Variants in RBM26 observed in about 807,000 individuals in gnomAD.
RBM26 encodes RNA-binding protein 26.
RBM26 carries 30 observed loss-of-function variants against 123.6 expected under a neutral mutation model. That is an observed-to-expected ratio of 0.24 (90% CI 0.18 to 0.33). The LOEUF (loss-of-function observed/expected upper bound fraction) is 0.33. Among genes scored for constraint, RBM26 ranks in the 10% least tolerant of loss-of-function variants. The pLI is 1.00. For missense variants in RBM26, 947 were observed against 1,203.6 expected, an observed-to-expected ratio of 0.79 and a Z score of 3.15; for synonymous variants, 400 against 404.4, an observed-to-expected ratio of 0.99 and a Z score of 0.13.
At chr13:79,385,575 G>A (rs2077410343) in intron 1 of RBM26, among the ~76,000 whole-genome samples, 3 of 152,080 alleles carry the variant, frequency 2.0e-5, no homozygotes, top group South Asian at 2.1e-4. Context: ...TTGGTATCAG[G>A]AGCCCTCTAT....
At position 79,320,292 on chromosome 13, in the gene RBM26, AC is replaced by A; in HGVS notation, c.*328del. 1 of 992,818 alleles carries A rather than the reference AC, an allele frequency of 1.0e-6. No individual in the cohort carries two copies. Among genetic ancestry groups the A allele is most frequent in the South Asian group, 4.7e-5 (1 of 21,474 alleles). The allele number at this position is 992,818 out of a possible 1,614,324, so 61.5% of individuals were successfully genotyped here. A position where few individuals can be genotyped will look rare whatever the true frequency, so the allele number is the denominator to read the frequency against. ...ATAAAACAAAGTCCTCTAAGTTATAACAAGTATTGGTCATAAGTTTTCAGAC... is the reference window on the plus strand; with the variant it reads ...ATAAAACAAAGTCCTCTAAGTTATAAAAGTATTGGTCATAAGTTTTCAGAC... On this transcript the variant is annotated 3_prime_UTR_variant, in exon 22 of 22. Coordinates refer to ENST00000438737, the MANE Select transcript of RBM26 (RefSeq NM_001366735.2).
rs1313255207 is a variant in RBM26, at chr13:79,319,519, A to G, written c.*1102T>C. 4 of 984,014 alleles carry G rather than the reference A, an allele frequency of 4.1e-6. No individual in the cohort carries two copies. Among genetic ancestry groups the G allele is most frequent in the Non-Finnish European group, 4.8e-6 (4 of 828,948 alleles). The allele number at this position is 984,014 out of a possible 1,614,324, so 61.0% of individuals were successfully genotyped here. ...ATAGGAAGTACACACTTAAAATATC[A>G]GACTGGAACACTTACCAAACAGTGT... On this transcript the variant is annotated 3_prime_UTR_variant, in exon 22 of 22. Coordinates refer to ENST00000438737, the MANE Select transcript of RBM26 (RefSeq NM_001366735.2).
intron 1 of RBM26, among the ~76,000 whole-genome samples, chr13:79,398,784 G>A (rs1267322193): frequency 6.6e-6 from 1 of 152,148 alleles, no homozygotes; most frequent in African/African-American, 2.4e-5. Flanking sequence ...TAGACCCAAA[G>A]ACTACTTAAT....
Position 79,342,666 on chromosome 13 carries a change from G to C in RBM26, c.2425C>G (p.Gln809Glu), listed in dbSNP as rs767337631. The C allele has an allele frequency of 4.4e-6, 7 of 1,597,656 alleles. No individual in the cohort carries two copies. Among genetic ancestry groups the C allele is most frequent in the Admixed American group, 3.5e-5 (2 of 57,694 alleles). Residue 809 changes from glutamine (Q) to glutamate (E), a missense_variant and splice_region_variant, in exon 17 of 22, where the codon CAG becomes GAG. Transcript: ENST00000438737. ...TGAACAACAATGAAATTAAATACCT[G>C]AGTCTTGGTTTTTATACTTTTTGGA... ...CLPKSIKTKTQMQKELLDTEL... is the reference protein window; with the variant it reads ...CLPKSIKTKTEMQKELLDTEL...
At chr13:79,334,150 T>C (rs1419179382) in intron 20 of RBM26, among the ~76,000 whole-genome samples, 194 bp downstream of exon 20, 2 of 152,200 alleles carry the variant, frequency 1.3e-5, no homozygotes, top group African/African-American at 2.4e-5. Context: ...GTATTTTAAT[T>C]GTATTATGTT....
At chr13:79,399,597 A>G (rs1415280281) in intron 1 of RBM26, among the ~76,000 whole-genome samples, 5 of 152,296 alleles carry the variant, frequency 3.3e-5, no homozygotes, top group African/African-American at 1.2e-4. Flanking sequence ...TATGCAATTT[A>G]TTATCTGGGA....
rs768902139 is a variant in RBM26 at position 79,366,633 on chromosome 13, C to G, written c.1135G>C (p.Gly379Arg). 1.3e-6 allele frequency: 2 copies of G among 1,536,736 alleles called. No individual in the cohort carries two copies. The highest frequency in any genetic ancestry group is 1.8e-6 in the Non-Finnish European group (2 of 1,141,370). ...CAGGGAAACAAACAGATTTACTTACCTGTAACAGGTGGGAGACTGGGTGGC... is the reference window on the plus strand; with the variant it reads ...CAGGGAAACAAACAGATTTACTTACGTGTAACAGGTGGGAGACTGGGTGGC... ...PLPPSLPPVT[G>R]PPPPLPPLQP... is the part of the protein sequence containing the mutation. Residue 379 changes from glycine to arginine, a missense_variant and splice_region_variant, in exon 7 of 22, where the codon GGA becomes CGA. Gly to Arg is a moderately radical substitution (Grantham distance 125). This residue lies in a region of RBM26 where 493 missense variants were observed against 563.1 expected (regional missense o/e 0.88). Coordinates refer to ENST00000438737, the MANE Select transcript of RBM26 (RefSeq NM_001366735.2).
intron 17 of RBM26, among the ~76,000 whole-genome samples, chr13:79,341,782 A>G (rs1414814778): frequency 6.6e-6 from 1 of 151,814 alleles, no homozygotes; most frequent in Non-Finnish European, 1.5e-5. Flanking sequence ...ATAAAATACA[A>G]TCTGCAAGAA....
At chr13:79,348,383 A>T (rs2072671551) in intron 14 of RBM26, among the ~76,000 whole-genome samples, 1 of 152,116 alleles carries the variant, frequency 6.6e-6, no homozygotes, top group Admixed American at 6.5e-5. Flanking sequence ...TTTCCTATGT[A>T]AAATAATACC....
chr13:79,379,056 G>A (rs1189217835), intron 1 of RBM26, 149 bp from the exon 2 acceptor site: 1 of 595,772 alleles, frequency 1.7e-6, no homozygotes, highest in East Asian at 2.9e-5. Flanking sequence ...AGAAATTTAA[G>A]TTCTCTTTAT....
chr13:79,359,710 A>C, intron 9 of RBM26, 24 bp from the exon 10 acceptor site: 1 of 1,317,754 alleles, frequency 7.6e-7, no homozygotes, highest in Non-Finnish European at 1.0e-6. Flanking sequence ...AAAGAAAATG[A>C]AAAAAATAAG....
intron 6 of RBM26, among the ~76,000 whole-genome samples, chr13:79,367,645 T>A (rs1433736630): frequency 6.6e-6 from 1 of 151,878 alleles, no homozygotes; most frequent in Admixed American, 6.6e-5. Context: ...TGCTCCCTTT[T>A]AGTTGCTCTC....
At chr13:79,380,729 C>T (rs2077009532) in intron 1 of RBM26, among the ~76,000 whole-genome samples, 1 of 152,058 alleles carries the variant, frequency 6.6e-6, no homozygotes, top group Admixed American at 6.6e-5. Flanking sequence ...ACTTACTCAT[C>T]CAATCCAGCG....
At position 79,368,893 on chromosome 13, in the gene RBM26, G is replaced by C; in HGVS notation, c.732C>G (p.Gly244=). ...PVSSVPSISS[G]HYPVPTLSST... is the part of the protein sequence containing the mutation. ...TGCTCAAAGTAGGTACAGGGTAGTGGCCAGATGAAATACTAGGTACCGAAG... is the reference window on the plus strand; with the variant it reads ...TGCTCAAAGTAGGTACAGGGTAGTGCCCAGATGAAATACTAGGTACCGAAG... The change falls in exon 6 of 22, where the codon GGC becomes GGG. Residue 244 remains glycine, a synonymous_variant. Transcript: ENST00000438737. 22 of 1,613,020 alleles carry C rather than the reference G, an allele frequency of 1.4e-5. No individual in the cohort carries two copies. Among genetic ancestry groups the C allele is most frequent in the Non-Finnish European group, 1.9e-5 (22 of 1,179,076 alleles).
intron 5 of RBM26, among the ~76,000 whole-genome samples, chr13:79,370,328 T>C (rs1242064159): frequency 6.6e-6 from 1 of 152,020 alleles, no homozygotes; most frequent in Non-Finnish European, 1.5e-5. Flanking sequence ...AAACAAAGAT[T>C]AAGAAAAAAA....
intron 18 of RBM26, 151 bp downstream of exon 18, chr13:79,340,972 C>G: frequency 2.1e-6 from 1 of 471,422 alleles, no homozygotes; most frequent in East Asian, 3.5e-5. Flanking sequence ...TTGACCTCTT[C>G]CCTCTTTCCT....
Position 79,366,071 on chromosome 13 carries a change from G to T in RBM26, c.1260C>A (p.Pro420=). 6.2e-7 allele frequency: 1 copy of T among 1,613,958 alleles called. No homozygotes were observed. Among genetic ancestry groups the T allele is most frequent in the Non-Finnish European group, 8.5e-7 (1 of 1,179,906 alleles). The change falls in exon 8 of 22, where the codon CCC becomes CCA. Residue 420 remains proline, a synonymous_variant. Coordinates refer to ENST00000438737, the MANE Select transcript of RBM26 (RefSeq NM_001366735.2). Reference sequence around the variant, plus strand: ...AAACTGCACCTGCAGTAAAAAGAGAGGGTGGAGCAGGAGGAGGCTGGTGAT... The same window carrying T: ...AAACTGCACCTGCAGTAAAAAGAGATGGTGGAGCAGGAGGAGGCTGGTGAT... ...GIHHQPPPAP[P]SLFTADTYDT... is the part of the protein sequence containing the mutation.
intron 9 of RBM26, 24 bp downstream of exon 9, chr13:79,365,554 G>A: frequency 3.2e-6 from 5 of 1,582,568 alleles, no homozygotes; most frequent in Non-Finnish European, 3.5e-6. Flanking sequence ...GAAAATGACA[G>A]GAAGGAAAGA....
chr13:79,398,122 G>C (rs772275127), intron 1 of RBM26, among the ~76,000 whole-genome samples: 1 of 152,170 alleles, frequency 6.6e-6, no homozygotes, highest in East Asian at 1.9e-4. Flanking sequence ...TAGTAGGAGA[G>C]TAATGAGTAA....
Sources: allele counts gnomAD v4.1 joint callset (sites outside exome capture counted in the v4.1 genomes callset), GRCh38; gene constraint gnomAD v4.1.1; regional missense constraint gnomAD v4.1.1; transcripts MANE v1.5; gene names NCBI Gene and HGNC (gene_info 2026-07-23, HGNC 2026-07-21).